The following MYH10 variants were observed in gnomAD, a reference collection of about 807,000 sequenced individuals.
MYH10 encodes the protein myosin heavy chain 10, also known as myosin-10.
MYH10 carries 55 observed loss-of-function variants against 257.8 expected under a neutral mutation model. That is an observed-to-expected ratio of 0.21 (90% CI 0.17 to 0.27). The LOEUF (loss-of-function observed/expected upper bound fraction) is 0.27. Among genes scored for constraint, MYH10 ranks in the 10% least tolerant of loss-of-function variants. The probability of loss-of-function intolerance (pLI) is 1.00; values close to 1 mark genes in which losing one functional copy is unlikely to be tolerated. For missense variants in MYH10, 1,631 were observed against 2,500.6 expected (o/e 0.65, Z 7.42); for synonymous variants, 854 against 921.7 (o/e 0.93, Z 1.33).
chr17:8,507,237 C>A (rs954547414), intron 26 of MYH10, among the ~76,000 whole-genome samples: 2 of 152,222 alleles, frequency 1.3e-5, no homozygotes, highest in Non-Finnish European at 2.9e-5. Context: ...ACTGACATGC[C>A]CTCTTTTGTT....
intron 6 of MYH10, among the ~76,000 whole-genome samples, chr17:8,570,243 T>C (rs2083291425): frequency 6.6e-6 from 1 of 152,256 alleles, no homozygotes; most frequent in South Asian, 2.1e-4. Flanking sequence ...ACTGTATTGA[T>C]GTAGCACTTT....
chr17:8,550,702 G>A (rs1003476745), intron 9 of MYH10, among the ~76,000 whole-genome samples: 8 of 152,198 alleles, frequency 5.3e-5, no homozygotes, highest in Admixed American at 1.3e-4. Flanking sequence ...ATGGAGAGGC[G>A]GGAGGGGTGG....
Position 8,515,827 on chromosome 17 carries a change from A to G in MYH10, c.2505-1933T>C, listed in dbSNP as rs778250506. 9.1e-4 allele frequency among the ~76,000 whole-genome samples: 138 copies of G among 152,260 alleles called. 1 individual carries two copies. In the Middle Eastern group the frequency reaches 0.01, roughly 11 times the overall value. On this transcript the variant is annotated intron_variant, in intron 21 of 42. Coordinates refer to ENST00000360416, the MANE Select transcript of MYH10 (RefSeq NM_001256012.3). The stretch of plus-strand genomic sequence containing the variant: ...CACAAGTGCTGGAATTACAGGTGTG[A>G]GCCACCGTGCCTGGCCGGGATTGGC...
chr17:8,571,956 T>C (rs1235496466), intron 6 of MYH10, among the ~76,000 whole-genome samples: 4 of 151,612 alleles, frequency 2.6e-5, no homozygotes, highest in South Asian at 2.1e-4. Context: ...ATTCAATCTA[T>C]GTGATGAGAA....
chr17:8,500,687 G>A, intron 29 of MYH10, 139 bp downstream of exon 29: 2 of 1,031,568 alleles, frequency 1.9e-6, no homozygotes, highest in Non-Finnish European at 2.7e-6. Flanking sequence ...TGGCAACTGG[G>A]TACCCAGCAG....
At chr17:8,595,678 G>T (rs963352174) in intron 3 of MYH10, among the ~76,000 whole-genome samples, 1 of 152,078 alleles carries the variant, frequency 6.6e-6, no homozygotes, top group East Asian at 1.9e-4. Context: ...TGATCCGCCT[G>T]CCTTGGCCTC....
chr17:8,615,065 G>C (rs2085202960), intron 2 of MYH10, among the ~76,000 whole-genome samples: 1 of 152,146 alleles, frequency 6.6e-6, no homozygotes, highest in Admixed American at 6.5e-5. Context: ...AGGTCAAAGT[G>C]GGTGAATTGC....
chr17:8,481,561 G>GA, intron 37 of MYH10, 151 bp from the exon 38 acceptor site: 3 of 653,526 alleles, frequency 4.6e-6, no homozygotes, highest in Non-Finnish European at 7.7e-6. Context: ...AAACTGTCAA[G>GA]AAAATCTGCT....
Position 8,604,912 on chromosome 17 carries a change from A to G in MYH10, c.416T>C (p.Ile139Thr). Residue 139 changes from isoleucine (I) to threonine (T), a missense_variant, in exon 3 of 43, where the codon ATT becomes ACT. By Grantham distance (89) the Ile-to-Thr change is moderately conservative. Coordinates refer to ENST00000360416, the MANE Select transcript of MYH10 (RefSeq NM_001256012.3). ...ACGCTTCTTCCCTCTGTACATTTCAATAATATTCTCAGAGTAAATTGGAAG... is the reference window on the plus strand; with the variant it reads ...ACGCTTCTTCCCTCTGTACATTTCAGTAATATTCTCAGAGTAAATTGGAAG... The part of the protein sequence containing the change: ...KNLPIYSENI[I>T]EMYRGKKRHE... The G allele has an allele frequency of 6.3e-7, 1 of 1,596,992 alleles. No homozygotes were observed. Among genetic ancestry groups the G allele is most frequent in the Non-Finnish European group, 8.6e-7 (1 of 1,166,180 alleles).
intron 14 of MYH10, among the ~76,000 whole-genome samples, chr17:8,541,718 A>G (rs1339459023): frequency 6.6e-6 from 1 of 152,184 alleles, no homozygotes; most frequent in Non-Finnish European, 1.5e-5. Flanking sequence ...GCCAAACTTT[A>G]GTTATCTGCA....
intron 3 of MYH10, among the ~76,000 whole-genome samples, chr17:8,595,506 C>T (rs764866470): frequency 1.4e-5 from 2 of 147,500 alleles, no homozygotes; most frequent in Non-Finnish European, 3.0e-5. Context: ...GATCTCCGCT[C>T]ACTGCAACCT....
rs374632321 is a variant in MYH10 at position 8,484,134 on chromosome 17, C to T, written c.5175+4G>A. The T allele has an allele frequency of 1.3e-5, 21 of 1,579,134 alleles. No individual in the cohort carries two copies. The highest frequency in any genetic ancestry group is 1.7e-5 in the Non-Finnish European group (20 of 1,167,698). On this transcript the variant is annotated splice_donor_region_variant and intron_variant, in intron 37 of 42. Coordinates refer to ENST00000360416, the MANE Select transcript of MYH10 (RefSeq NM_001256012.3). ...TTGAACAAATGGATAAGTAACAAAC[C>T]AACCTCCTGCAATTGAAGGATTTCT...
intron 2 of MYH10, among the ~76,000 whole-genome samples, chr17:8,618,030 C>T (rs968520638): frequency 1.3e-5 from 2 of 152,094 alleles, no homozygotes; most frequent in African/African-American, 4.8e-5. Flanking sequence ...TCTTGCAAAA[C>T]TTTTATTGTC....
rs925779550 is a variant in MYH10, at chr17:8,583,573, GAAGA to G, written c.530+5504_530+5507del. Among the ~76,000 whole-genome samples the G allele has an allele frequency of 4.1e-4, 62 of 152,168 alleles. 1 individual carries two copies. The highest frequency in any genetic ancestry group is 1.4e-3 in the African/African-American group (59 of 41,440). ...CACATAGTTCATGGCAGAGCTGGGAGAAGAAAGAACACCAGAGTTCTATCTGACC... is the reference window on the plus strand; with the variant it reads ...CACATAGTTCATGGCAGAGCTGGGAGAAGAACACCAGAGTTCTATCTGACC... On this transcript the variant is annotated intron_variant, in intron 4 of 42. Coordinates refer to ENST00000360416, the MANE Select transcript of MYH10 (RefSeq NM_001256012.3).
chr17:8,606,940 C>A (rs907933978), intron 2 of MYH10, among the ~76,000 whole-genome samples: 1 of 152,154 alleles, frequency 6.6e-6, no homozygotes, highest in African/African-American at 2.4e-5. Context: ...GTTCCCAGAC[C>A]AACACCTTGC....
rs1318648837 is a variant in MYH10 at position 8,492,489 on chromosome 17, G to A, written c.4479C>T (p.Ser1493=). Residue 1493 remains serine, a synonymous_variant, in exon 34 of 43, where the codon AGC becomes AGT. Transcript: ENST00000360416. The part of the protein sequence containing the change: ...KFDQLLAEEK[S]ISARYAEERD... ...GCTCTTCGGCATAGCGAGCAGAGATGCTCTTCTCTTCTGCTAACAGCTGTG... is the reference window on the plus strand; with the variant it reads ...GCTCTTCGGCATAGCGAGCAGAGATACTCTTCTCTTCTGCTAACAGCTGTG... 3 of 1,611,832 alleles carry A rather than the reference G, an allele frequency of 1.9e-6. No homozygotes were observed. The East Asian group carries it at 6.7e-5, about 36-fold the overall frequency.
intron 17 of MYH10, among the ~76,000 whole-genome samples, chr17:8,529,018 G>A (rs2081940828): frequency 6.6e-6 from 1 of 152,146 alleles, no homozygotes; most frequent in African/African-American, 2.4e-5. Flanking sequence ...GGTACAGTGA[G>A]GGGAATGAGC....
chr17:8,570,319 C>T (rs1264601556), intron 6 of MYH10, among the ~76,000 whole-genome samples: 2 of 152,212 alleles, frequency 1.3e-5, no homozygotes, highest in Non-Finnish European at 2.9e-5. Flanking sequence ...TTCACCTCCA[C>T]TTTCAGAGGA....
intron 3 of MYH10, among the ~76,000 whole-genome samples, chr17:8,590,590 G>C (rs2084091653): frequency 6.6e-6 from 1 of 152,174 alleles, no homozygotes; most frequent in South Asian, 2.1e-4. Context: ...GGGATTACAG[G>C]TGTGAGCCAT....
Sources: gnomAD v4.1 joint callset for allele counts (sites outside exome capture counted in the v4.1 genomes callset) on GRCh38, gnomAD v4.1.1 for gene constraint, MANE v1.5 for transcripts, NCBI Gene and HGNC (gene_info 2026-07-23, HGNC 2026-07-21) for gene names.